The following TESPA1 variants were observed in gnomAD, a reference collection of about 807,000 sequenced individuals.
TESPA1 encodes protein TESPA1.
A neutral mutation model predicts 57.9 loss-of-function variants in TESPA1; 33 were observed. The ratio of observed to expected loss-of-function variants is 0.57; its 90% CI spans 0.43 to 0.76. The LOEUF (loss-of-function observed/expected upper bound fraction) is 0.76, where lower values mean the gene tolerates loss of function less well. TESPA1 is among the 30% of genes least tolerant of loss of function. The pLI is 0.00. For synonymous variants in TESPA1, 227 were observed against 228.9 expected (o/e 0.99, Z 0.07); for missense variants, 618 against 632.9 (o/e 0.98, Z 0.25).
intron 3 of TESPA1, among the ~76,000 whole-genome samples, chr12:54,970,685 G>C (rs140263370): frequency 1.3e-5 from 2 of 152,316 alleles, no homozygotes; most frequent in African/African-American, 4.8e-5. Context: ...TAGATGTATA[G>C]TTGCTCCCCT....
Position 54,967,840 on chromosome 12 carries a change from C to A in TESPA1, c.256+3G>T. ...AAAATAGATGGACAGAACCTATACT[C>A]ACCATTGTAGATAAACTGTCCTGCT... On this transcript the variant is annotated splice_donor_region_variant and intron_variant, in intron 4 of 10. Coordinates refer to ENST00000449076, the MANE Select transcript of TESPA1 (RefSeq NM_001136030.3). 1 of 1,613,680 alleles carries A rather than the reference C, an allele frequency of 6.2e-7. No homozygotes were observed. Among genetic ancestry groups the A allele is most frequent in the South Asian group, 1.1e-5 (1 of 91,068 alleles).
At position 54,972,497 on chromosome 12, in the gene TESPA1, T is replaced by C. The variant is rs537414134; in HGVS notation, c.206+980A>G. ...CCTAGGACAGTTCTCATCCTAGGCT[T>C]CTCACCCAAACCTGCAAACATGCTG... On this transcript the variant is annotated intron_variant, in intron 3 of 10. Transcript: ENST00000449076. Among the ~76,000 whole-genome samples, 4 of 152,320 alleles carry C rather than the reference T, an allele frequency of 2.6e-5. No individual in the cohort carries two copies. In the South Asian group the frequency reaches 8.3e-4, roughly 32 times the overall value.
chr12:54,959,770 A>G (rs996747700), intron 10 of TESPA1, among the ~76,000 whole-genome samples: 7 of 152,100 alleles, frequency 4.6e-5, no homozygotes, highest in Admixed American at 1.3e-4. Flanking sequence ...TCAGGTTTTT[A>G]CTTGTTGTTT....
intron 4 of TESPA1, 122 bp from the exon 5 acceptor site, chr12:54,967,358 AATC>A (rs1401555372): frequency 2.8e-6 from 3 of 1,084,250 alleles, no homozygotes; most frequent in Non-Finnish European, 4.1e-6. Context: ...ACAACCAGAT[AATC>A]ATACTAGATA....
chr12:54,980,277 G>T (rs946795646), intron 1 of TESPA1, among the ~76,000 whole-genome samples: 1 of 152,198 alleles, frequency 6.6e-6, no homozygotes, highest in Non-Finnish European at 1.5e-5. Flanking sequence ...CTTAGTGCAG[G>T]AAGTGTTGCT....
chr12:54,972,687 A>G (rs986664785), intron 3 of TESPA1, among the ~76,000 whole-genome samples: 7 of 152,212 alleles, frequency 4.6e-5, no homozygotes, highest in Admixed American at 2.0e-4. Flanking sequence ...GTACAGGTGA[A>G]ATAAACAACC....
In TESPA1 at chr12:54,950,256, G is replaced by A. The variant is rs1950296288; in HGVS notation, c.*136C>T. 2.2e-6 allele frequency: 1 copy of A among 456,638 alleles called. No individual in the cohort carries two copies. Among genetic ancestry groups the A allele is most frequent in the Admixed American group, 2.3e-5 (1 of 42,564 alleles). The allele number at this position is 456,638 out of a possible 1,614,324, so 28.3% of individuals were successfully genotyped here. On this transcript the variant is annotated 3_prime_UTR_variant, in exon 11 of 11. Transcript: ENST00000449076. ...TACCATGCTGCCTTTCTCCTGCAGA[G>A]TTTGGGGGTTTGGAGGACCAAGGAG...
Position 54,967,128 on chromosome 12 carries a change from C to A in TESPA1, c.310+55G>T, listed in dbSNP as rs1951490733. ...TTGCACTTCCATCCTATCCTGAATT[C>A]ATACAATGTATATCCTGTTTTCTCA... On this transcript the variant is annotated intron_variant, in intron 5 of 10. Coordinates refer to ENST00000449076, the MANE Select transcript of TESPA1 (RefSeq NM_001136030.3). 4.4e-6 allele frequency: 7 copies of A among 1,597,502 alleles called. No individual in the cohort carries two copies. The South Asian group carries it at 7.9e-5, about 18-fold the overall frequency.
chr12:54,962,551 G>A lies in TESPA1; in HGVS notation c.1347C>T (p.Gly449=). Residue 449 remains glycine (G), a synonymous_variant, in exon 9 of 11, where the codon GGC becomes GGT. Transcript: ENST00000449076. ...RKSLFQKNLM[G]RKVKSLDLSI... is the part of the protein sequence containing the mutation. ...ACAGGTCCAAGGACTTAACCTTCCT[G>A]CCCATGAGATTCTTCTGGAAGAGGC... 6.2e-7 allele frequency: 1 copy of A among 1,613,854 alleles called. No individual in the cohort carries two copies. Among genetic ancestry groups the A allele is most frequent in the South Asian group, 1.1e-5 (1 of 91,064 alleles).
chr12:54,975,622 C>T (rs1863365351), intron 1 of TESPA1, among the ~76,000 whole-genome samples: 1 of 151,902 alleles, frequency 6.6e-6, no homozygotes, highest in African/African-American at 2.4e-5. Context: ...AGGTCTTATC[C>T]CCCTATTTCC....
At chr12:54,954,135 C>T (rs909362775) in intron 10 of TESPA1, among the ~76,000 whole-genome samples, 3 of 152,060 alleles carry the variant, frequency 2.0e-5, no homozygotes, top group African/African-American at 4.8e-5. Flanking sequence ...GTACAGGTAG[C>T]GAGGCTTGCC....
In TESPA1 at chr12:54,950,403, T is replaced by C. The variant is rs932693625; in HGVS notation, c.*2-13A>G. On this transcript the variant is annotated splice_polypyrimidine_tract_variant and intron_variant, in intron 10 of 10. Transcript: ENST00000449076. ...TGGTGGAGAAAGCCTGCAATGGGAATAAAAAAGATACATATCATGCATTTT... is the reference window on the plus strand; with the variant it reads ...TGGTGGAGAAAGCCTGCAATGGGAACAAAAAAGATACATATCATGCATTTT... 6.7e-6 allele frequency: 3 copies of C among 450,842 alleles called. No individual in the cohort carries two copies. Among genetic ancestry groups the C allele is most frequent in the South Asian group, 3.2e-5 (2 of 63,470 alleles). 27.9% of individuals were successfully genotyped at this position (450,842 alleles called of 1,614,324 possible).
intron 10 of TESPA1, among the ~76,000 whole-genome samples, chr12:54,959,066 C>T (rs1292830796): frequency 6.6e-6 from 1 of 152,068 alleles, no homozygotes; most frequent in Non-Finnish European, 1.5e-5. Context: ...CAACTGGACG[C>T]GATGTACTGA....
In TESPA1 at chr12:54,974,518, C is replaced by T; in HGVS notation, c.45G>A (p.Arg15=). 1 of 1,600,548 alleles carries T rather than the reference C, an allele frequency of 6.2e-7. No homozygotes were observed. Among genetic ancestry groups the T allele is most frequent in the African/African-American group, 1.3e-5 (1 of 74,800 alleles). ...AGTTACGGCTCTGACGGAGCCAGGC[C>T]CGCCGTTTCTCCCAGGATGTGGGGC... ...VLSPTSWEKR[R]AWLRQSRNWQ... Residue 15 remains arginine (R), a synonymous_variant, in exon 2 of 11, where the codon CGG becomes CGA. Transcript: ENST00000449076.
intron 10 of TESPA1, among the ~76,000 whole-genome samples, chr12:54,960,866 T>C (rs1212940308): frequency 6.6e-6 from 1 of 152,156 alleles, no homozygotes; most frequent in Non-Finnish European, 1.5e-5. Context: ...GCAAATTCTT[T>C]GGTTCTATCC....
intron 10 of TESPA1, among the ~76,000 whole-genome samples, chr12:54,958,332 T>A (rs1045132114): frequency 6.6e-6 from 1 of 152,198 alleles, no homozygotes; most frequent in East Asian, 1.9e-4. Flanking sequence ...ACTTGTGGAG[T>A]ATATACTACA....
intron 7 of TESPA1, among the ~76,000 whole-genome samples, chr12:54,965,688 C>A (rs1951382809): frequency 6.6e-6 from 1 of 152,112 alleles, no homozygotes; most frequent in East Asian, 1.9e-4. Flanking sequence ...GCCTGCCTGT[C>A]CGAATGAATT....
Position 54,961,267 on chromosome 12 carries a change from C to T in TESPA1, c.1468G>A (p.Val490Met). 1.2e-6 allele frequency: 2 copies of T among 1,613,814 alleles called. No individual in the cohort carries two copies. Among genetic ancestry groups the T allele is most frequent in the Non-Finnish European group, 1.7e-6 (2 of 1,179,840 alleles). The stretch of plus-strand genomic sequence containing the variant: ...TGCTCCTCCTCACTGTTGCTTTGCA[C>T]CTGTAACCAAGATCCCACAGAACTC... Reference protein sequence around the residue: ...QPQDTFDLEEVQSNSEEEQSQ... With the variant: ...QPQDTFDLEEMQSNSEEEQSQ... Residue 490 changes from valine (V) to methionine (M), a missense_variant and splice_region_variant, in exon 10 of 11, where the codon GTG becomes ATG. Physicochemically the swap from Val to Met is conservative, Grantham distance 21. Around this residue, in one of 3 missense-constraint regions of TESPA1, gnomAD observed 409 missense variants for 420.1 expected, o/e 0.97. Coordinates refer to ENST00000449076, the MANE Select transcript of TESPA1 (RefSeq NM_001136030.3).
chr12:54,961,392 G>T, intron 9 of TESPA1, 125 bp from the exon 10 acceptor site: 1 of 990,018 alleles, frequency 1.0e-6, no homozygotes, highest in Non-Finnish European at 1.5e-6. Context: ...CTCTTCTGTG[G>T]TGTCAGGGAC....
Sources: allele counts gnomAD v4.1 joint callset (sites outside exome capture counted in the v4.1 genomes callset), GRCh38; gene constraint gnomAD v4.1.1; regional missense constraint gnomAD v4.1.1; transcripts MANE v1.5; gene names NCBI Gene and HGNC (gene_info 2026-07-23, HGNC 2026-07-21).